The following TNR variants were observed in gnomAD, a reference collection of about 807,000 sequenced individuals.
TNR encodes the protein tenascin R, also known as tenascin-R.
TNR carries 45 observed loss-of-function variants against 150.4 expected under a neutral mutation model. The observed-to-expected ratio is 0.30, with a 90% CI of 0.24 to 0.38. The LOEUF (loss-of-function observed/expected upper bound fraction) is 0.38. Among genes scored for constraint, TNR ranks in the 10% least tolerant of loss-of-function variants. The pLI is 1.00. For synonymous variants in TNR, 687 were observed against 678.4 expected (o/e 1.01, Z -0.20); for missense variants, 1,544 against 1,759.1 (o/e 0.88, Z 2.19).
At chr1:175,483,336 G>T (rs1657881316) in intron 2 of TNR, among the ~76,000 whole-genome samples, 1 of 152,164 alleles carries the variant, frequency 6.6e-6, no homozygotes, top group Non-Finnish European at 1.5e-5. Flanking sequence ...AGAAGGAGAG[G>T]ACATGGAATC....
chr1:175,643,512 G>A (rs1664726622), intron 1 of TNR, among the ~76,000 whole-genome samples: 1 of 152,112 alleles, frequency 6.6e-6, no homozygotes, highest in Admixed American at 6.6e-5. Flanking sequence ...GTTGGACAAT[G>A]CCTTTAAAAT....
intron 2 of TNR, among the ~76,000 whole-genome samples, chr1:175,488,027 G>T (rs149070446): frequency 1.4e-4 from 21 of 152,222 alleles, no homozygotes; most frequent in Middle Eastern, 6.8e-3. Context: ...GCATAAGGGT[G>T]GTTCCAAAAG....
intron 15 of TNR, among the ~76,000 whole-genome samples, chr1:175,358,468 TTTAA>T (rs1651430085): frequency 6.6e-6 from 1 of 152,276 alleles, no homozygotes; most frequent in Non-Finnish European, 1.5e-5. Context: ...TTCCAAGTTG[TTTAA>T]TTGTCTGTTT....
At chr1:175,346,851 G>A (rs996072629) in intron 18 of TNR, among the ~76,000 whole-genome samples, 4 of 149,558 alleles carry the variant, frequency 2.7e-5, no homozygotes, top group African/African-American at 9.8e-5. Flanking sequence ...GGTGGTTTTA[G>A]TGAGGAGTTC....
intron 1 of TNR, among the ~76,000 whole-genome samples, chr1:175,542,768 T>C (rs2102191011): frequency 6.6e-6 from 1 of 152,368 alleles, no homozygotes; most frequent in East Asian, 1.9e-4. Flanking sequence ...TAATCATACA[T>C]ATACACACAC....
At chr1:175,496,966 T>G (rs1354455525) in intron 2 of TNR, among the ~76,000 whole-genome samples, 1 of 152,226 alleles carries the variant, frequency 6.6e-6, no homozygotes. Context: ...CTTTCCCCCG[T>G]AAGTCCTAGA....
chr1:175,657,531 CAAT>C (rs1665218901), intron 1 of TNR, among the ~76,000 whole-genome samples: 1 of 151,980 alleles, frequency 6.6e-6, no homozygotes. Context: ...AAATGTCCAA[CAAT>C]GATAGACCGG....
At chr1:175,699,550 G>A (rs977620917) in intron 1 of TNR, among the ~76,000 whole-genome samples, 1 of 152,062 alleles carries the variant, frequency 6.6e-6, no homozygotes, top group African/African-American at 2.4e-5. Flanking sequence ...AATCAGTGAG[G>A]GCTAAGCAGG....
chr1:175,704,944 G>A (rs1400638045), intron 1 of TNR, among the ~76,000 whole-genome samples: 1 of 152,144 alleles, frequency 6.6e-6, no homozygotes, highest in African/African-American at 2.4e-5. Context: ...AGGGAAGTGA[G>A]GGGACGGGGG....
At chr1:175,595,561 G>A (rs1458497443) in intron 1 of TNR, among the ~76,000 whole-genome samples, 1 of 152,134 alleles carries the variant, frequency 6.6e-6, no homozygotes, top group African/African-American at 2.4e-5. Flanking sequence ...TGACTTAGTT[G>A]GCTTTGCAAC....
At position 175,403,255 on chromosome 1, in the gene TNR, G is replaced by C; in HGVS notation, c.861C>G (p.Tyr287Ter). ...GCCGCTGGCCGCAGTCCTCACCAAC[G>C]TAGCCCTCCTCGCATAAACAGGTAC... ...ANGTCLCEEG[Y>*]VGEDCGQRQC... The change falls in exon 4 of 23, where the codon TAC (tyrosine) becomes TAG (stop). Residue 287 changes from tyrosine to a stop codon, truncating the protein, a stop_gained. Transcript: ENST00000367674. LOFTEE classifies it high-confidence loss of function. 6.2e-7 allele frequency: 1 copy of C among 1,614,066 alleles called. No individual in the cohort carries two copies. Among genetic ancestry groups the C allele is most frequent in the Non-Finnish European group, 8.5e-7 (1 of 1,180,010 alleles).
chr1:175,642,436 A>G (rs1664694060), intron 1 of TNR, among the ~76,000 whole-genome samples: 1 of 152,228 alleles, frequency 6.6e-6, no homozygotes, highest in South Asian at 2.1e-4. Flanking sequence ...AGGTTATGAT[A>G]GGAACTTGGG....
At chr1:175,521,745 A>C (rs1319686828) in intron 2 of TNR, among the ~76,000 whole-genome samples, 1 of 152,008 alleles carries the variant, frequency 6.6e-6, no homozygotes, top group Non-Finnish European at 1.5e-5. Context: ...GGCCCAGCTC[A>C]ATGATTGTGG....
intron 1 of TNR, among the ~76,000 whole-genome samples, chr1:175,586,404 G>A (rs1193904863): frequency 1.3e-5 from 2 of 151,862 alleles, no homozygotes; most frequent in African/African-American, 4.8e-5. Flanking sequence ...AGGTTCAAGC[G>A]ATTCTCCTGC....
intron 1 of TNR, among the ~76,000 whole-genome samples, chr1:175,663,019 G>T: frequency 6.6e-6 from 1 of 152,264 alleles, no homozygotes; most frequent in East Asian, 1.9e-4. Flanking sequence ...AGGATTACAC[G>T]AGATAATTCA....
intron 2 of TNR, among the ~76,000 whole-genome samples, chr1:175,469,639 G>A (rs1182247516): frequency 2.0e-5 from 3 of 151,910 alleles, no homozygotes; most frequent in African/African-American, 7.3e-5. Flanking sequence ...CTAGAGGGAC[G>A]GGGAGGAGGA....
chr1:175,464,006 A>G (rs1179467993), intron 2 of TNR, among the ~76,000 whole-genome samples: 1 of 152,192 alleles, frequency 6.6e-6, no homozygotes, highest in African/African-American at 2.4e-5. Context: ...TGAACCATGG[A>G]TATGCTGTCA....
At chr1:175,324,581 G>C in intron 21 of TNR, 62 bp from the exon 22 acceptor site, 1 of 1,576,082 alleles carries the variant, frequency 6.3e-7, no homozygotes, top group East Asian at 2.2e-5. Flanking sequence ...GGATTTTCTG[G>C]ACACTTGACC....
chr1:175,588,950 T>C (rs977753849), intron 1 of TNR, among the ~76,000 whole-genome samples: 2 of 152,110 alleles, frequency 1.3e-5, no homozygotes, highest in Non-Finnish European at 2.9e-5. Flanking sequence ...ATGGTAACAA[T>C]GATGCATAAG....
Sources: allele counts gnomAD v4.1 joint callset (sites outside exome capture counted in the v4.1 genomes callset), GRCh38; gene constraint gnomAD v4.1.1; transcripts MANE v1.5; gene names NCBI Gene and HGNC (gene_info 2026-07-23, HGNC 2026-07-21).